EIF3A: variants seen among roughly 807,000 people sequenced by gnomAD.
EIF3A encodes the protein EIF3, p180 subunit.
In EIF3A, 21 loss-of-function variants were observed where a neutral mutation model predicts 186.6. That is an observed-to-expected ratio of 0.11 (90% CI 0.08 to 0.16). The LOEUF is 0.16. EIF3A is among the 10% of genes least tolerant of loss of function. The pLI is 1.00. For synonymous variants in EIF3A, 563 were observed against 584.3 expected, an observed-to-expected ratio of 0.96 and a Z score of 0.52; for missense variants, 1,306 against 1,796.3, an observed-to-expected ratio of 0.73 and a Z score of 4.93.
chr10:119,068,986 A>AAG (rs1564759612), intron 6 of EIF3A, among the ~76,000 whole-genome samples: 2 of 151,944 alleles, frequency 1.3e-5, no homozygotes, highest in African/African-American at 4.8e-5. Flanking sequence ...AAAAAAAAAA[A>AAG]AAAAGAAAAG....
intron 6 of EIF3A, among the ~76,000 whole-genome samples, chr10:119,069,212 T>TG (rs34087038): frequency 0.85 from 128,820 of 152,132 alleles, 57,316 homozygotes; most frequent in Non-Finnish European, 0.97. Flanking sequence ...TTGAGACGTC[T>TG]TAATAGTCAC....
rs372406812 is a variant in EIF3A, at chr10:119,051,286, A to T, written c.2232T>A (p.Leu744=). The change falls in exon 15 of 22, where the codon CTT becomes CTA. Residue 744 remains leucine (L), a synonymous_variant. Coordinates refer to ENST00000369144, the MANE Select transcript of EIF3A (RefSeq NM_003750.4). ...TTMQLEREKA[L]EHKNRMSRML... ...TTCGTGACATTCGATTCTTATGTTCAAGAGCCTTTTCACGTTCTAGCTGCA... is the reference window on the plus strand; with the variant it reads ...TTCGTGACATTCGATTCTTATGTTCTAGAGCCTTTTCACGTTCTAGCTGCA... 62 of 1,608,750 alleles carry T rather than the reference A, an allele frequency of 3.9e-5. No homozygotes were observed. Among genetic ancestry groups the T allele is most frequent in the Non-Finnish European group, 5.2e-5 (61 of 1,178,442 alleles).
intron 12 of EIF3A, 86 bp downstream of exon 12, chr10:119,057,870 A>G: frequency 9.5e-7 from 1 of 1,053,712 alleles, no homozygotes; most frequent in East Asian, 2.4e-5. Flanking sequence ...TAACCCAGTA[A>G]GCCAACAAAT....
chr10:119,066,246 C>T (rs112650391), intron 6 of EIF3A, among the ~76,000 whole-genome samples: 2,425 of 152,052 alleles, frequency 0.016, 64 homozygotes, highest in African/African-American at 0.056. Flanking sequence ...CAGTGGCTCA[C>T]GCCTGTAATC....
rs189192159 is a variant in EIF3A at position 119,037,870 on chromosome 10, C to T, written c.3728+368G>A. 3.9e-3 allele frequency among the ~76,000 whole-genome samples: 589 copies of T among 149,836 alleles called. 4 individuals carry two copies. Among genetic ancestry groups the T allele is most frequent in the South Asian group, 0.015 (69 of 4,732 alleles). On this transcript the variant is annotated intron_variant, in intron 20 of 21. Transcript: ENST00000369144. ...GGGTCACACAGCCTTTGGACAGCCA[C>T]GAAGTTTGGGCCTCCATTTTCTTAC...
At chr10:119,040,555 T>A (rs1848193759) in intron 19 of EIF3A, among the ~76,000 whole-genome samples, 1 of 152,210 alleles carries the variant, frequency 6.6e-6, no homozygotes, top group African/African-American at 2.4e-5. Flanking sequence ...AGCTGTCACC[T>A]GTGTGCAGTA....
intron 7 of EIF3A, among the ~76,000 whole-genome samples, chr10:119,062,032 A>C (rs1843896480): frequency 6.6e-6 from 1 of 152,228 alleles, no homozygotes; most frequent in Admixed American, 6.5e-5. Flanking sequence ...GAGGGCACCC[A>C]CACATGGGAG....
At chr10:119,075,225 G>C (rs1042476030) in intron 1 of EIF3A, among the ~76,000 whole-genome samples, 6 of 151,872 alleles carry the variant, frequency 4.0e-5, no homozygotes, top group Non-Finnish European at 8.8e-5. Context: ...CTCCCAAAGT[G>C]CTGGGATTAC....
Position 119,042,430 on chromosome 10 carries a change from T to C in EIF3A, c.3090A>G (p.Arg1030=). The C allele has an allele frequency of 6.2e-7, 1 of 1,614,090 alleles. No homozygotes were observed. Among genetic ancestry groups the C allele is most frequent in the African/African-American group, 1.3e-5 (1 of 75,012 alleles). The change falls in exon 19 of 22, where the codon CGA becomes CGG. Residue 1030 remains arginine, a synonymous_variant. Coordinates refer to ENST00000369144, the MANE Select transcript of EIF3A (RefSeq NM_003750.4). The surrounding 1 kb of genome is among the most constrained non-coding windows in gnomAD (Gnocchi z 7.8). ...TTGGTCCTCTGTCCTCATCAGCTGT[T>C]CGCCAGCTTCCTCTGTCCTCATCCA... The part of the protein sequence containing the change: ...RGLDEDRGSW[R]TADEDRGPRR...
At chr10:119,080,014 G>C (rs1844236930) in intron 1 of EIF3A, among the ~76,000 whole-genome samples, 2 of 152,208 alleles carry the variant, frequency 1.3e-5, no homozygotes, top group African/African-American at 4.8e-5. Context: ...CAAAACAACA[G>C]GAATCAGGTT....
At chr10:119,050,999 A>C (rs547618976) in intron 15 of EIF3A, among the ~76,000 whole-genome samples, 200 bp downstream of exon 15, 3 of 152,322 alleles carry the variant, frequency 2.0e-5, no homozygotes, top group African/African-American at 4.8e-5. Flanking sequence ...ACTTGTATTA[A>C]ATTATGCATT....
chr10:119,075,711 CTTTTTTTT>C (rs58392465), intron 1 of EIF3A, among the ~76,000 whole-genome samples: 17 of 65,270 alleles, frequency 2.6e-4, no homozygotes, highest in Non-Finnish European at 3.4e-4. Context: ...TGGAAAAAGA[CTTTTTTTT>C]TTTTTTTTTT....
intron 17 of EIF3A, among the ~76,000 whole-genome samples, chr10:119,044,401 G>C (rs76966260): frequency 1.1e-3 from 161 of 152,152 alleles, no homozygotes; most frequent in African/African-American, 3.1e-3. Context: ...CACCTCTACA[G>C]ATTTCCTTCA....
At chr10:119,044,192 T>A (rs1485487450) in intron 17 of EIF3A, 50 bp from the exon 18 acceptor site, 2 of 1,163,914 alleles carry the variant, frequency 1.7e-6, no homozygotes, top group Non-Finnish European at 1.3e-6. Context: ...CCATTTACTA[T>A]TACAACTACT....
In EIF3A at chr10:119,048,748, T is replaced by C. The variant is rs146267046; in HGVS notation, c.2658+1053A>G. Among the ~76,000 whole-genome samples the C allele has an allele frequency of 7.6e-3, 1,149 of 152,012 alleles. 21 individuals are homozygous for C. Among genetic ancestry groups the C allele is most frequent in the African/African-American group, 0.027 (1,108 of 41,450 alleles). On this transcript the variant is annotated intron_variant, in intron 17 of 21. Transcript: ENST00000369144. ...GTGCAGTGGCGCGATCTCAGCTCAC[T>C]GCAACCTCCACCTCCTGGGTTCAAG...
chr10:119,075,252 G>T (rs1844147285), intron 1 of EIF3A, among the ~76,000 whole-genome samples: 1 of 151,950 alleles, frequency 6.6e-6, no homozygotes, highest in Admixed American at 6.6e-5. Context: ...GGGTCACCAT[G>T]CCCAGACAAC....
In EIF3A at chr10:119,036,283, TAAAA is replaced by T. The variant is rs753067805; in HGVS notation, c.3920-19_3920-16del. On this transcript the variant is annotated splice_polypyrimidine_tract_variant and intron_variant, in intron 21 of 21. Coordinates refer to ENST00000369144, the MANE Select transcript of EIF3A (RefSeq NM_003750.4). ...CCAAGAACTTACTAAAAAGTTTAAT[TAAAA>T]AAAAAAAATTAAGTTAGTACTATAT... is the stretch of plus-strand genomic sequence containing the variant. 7.8e-7 allele frequency: 1 copy of T among 1,279,794 alleles called. No homozygotes were observed. The highest frequency in any genetic ancestry group is 2.3e-5 in the Admixed American group (1 of 44,336). 79.3% of individuals were successfully genotyped at this position (1,279,794 alleles called of 1,614,324 possible).
intron 14 of EIF3A, among the ~76,000 whole-genome samples, chr10:119,056,147 C>A (rs972416173): frequency 6.6e-6 from 1 of 152,150 alleles, no homozygotes; most frequent in African/African-American, 2.4e-5. Flanking sequence ...ACTTTTATTA[C>A]ATATTTGGTG....
intron 18 of EIF3A, among the ~76,000 whole-genome samples, chr10:119,043,093 G>A (rs1274813071): frequency 6.6e-6 from 1 of 151,972 alleles, no homozygotes; most frequent in Admixed American, 6.6e-5. Context: ...AGACTAGCCT[G>A]GGCAACATGT....
Sources: allele counts gnomAD v4.1 joint callset (sites outside exome capture counted in the v4.1 genomes callset), GRCh38; gene constraint gnomAD v4.1.1; non-coding constraint Gnocchi (gnomAD v3.1); transcripts MANE v1.5; gene names NCBI Gene and HGNC (gene_info 2026-07-23, HGNC 2026-07-21).